The following FAT3 variants were observed in gnomAD, a reference collection of about 807,000 sequenced individuals.
FAT3 encodes the protein protocadherin Fat 3.
FAT3 carries 95 observed loss-of-function variants against 310.2 expected under a neutral mutation model. The observed-to-expected ratio is 0.31, with a 90% confidence interval of 0.26 to 0.36. FAT3 has a LOEUF of 0.36. FAT3 is among the 10% of genes least tolerant of loss of function. The pLI, the probability that FAT3 is intolerant of heterozygous loss-of-function variation, is 1.00. For missense variants in FAT3, 5,408 were observed against 5,715.6 expected (o/e 0.95, Z 1.74); for synonymous variants, 2,314 against 2,192.9 (o/e 1.06, Z -1.54).
At chr11:92,691,645 C>T (rs938111286) in intron 3 of FAT3, among the ~76,000 whole-genome samples, 1 of 152,108 alleles carries the variant, frequency 6.6e-6, no homozygotes, top group Non-Finnish European at 1.5e-5. Flanking sequence ...CCTCTCAAAG[C>T]ATTGGGATTA....
chr11:92,605,427 G>A (rs1940227143), intron 3 of FAT3, among the ~76,000 whole-genome samples: 1 of 152,164 alleles, frequency 6.6e-6, no homozygotes, highest in Admixed American at 6.5e-5. Context: ...CATGAACATA[G>A]AAGAACAGTG....
intron 3 of FAT3, among the ~76,000 whole-genome samples, chr11:92,591,537 G>A (rs928929517): frequency 6.6e-6 from 1 of 152,152 alleles, no homozygotes; most frequent in Non-Finnish European, 1.5e-5. Flanking sequence ...GACACTTAGT[G>A]TGTTAATTAC....
At chr11:92,438,868 G>T (rs1263332457) in intron 2 of FAT3, among the ~76,000 whole-genome samples, 5 of 152,300 alleles carry the variant, frequency 3.3e-5, no homozygotes, top group Non-Finnish European at 7.3e-5. Flanking sequence ...AGTTATTGGG[G>T]ACCTGTAGGC....
At chr11:92,378,787 CCG>C (rs1949417828) in intron 2 of FAT3, among the ~76,000 whole-genome samples, 1 of 152,112 alleles carries the variant, frequency 6.6e-6, no homozygotes, top group Non-Finnish European at 1.5e-5. Flanking sequence ...GTGCAAGGAG[CCG>C]ACAGATTCAG....
intron 3 of FAT3, among the ~76,000 whole-genome samples, chr11:92,643,340 C>T (rs1319723843): frequency 6.6e-6 from 1 of 152,202 alleles, no homozygotes; most frequent in Non-Finnish European, 1.5e-5. Flanking sequence ...CTGCAGTGAG[C>T]TGCCCTGACA....
chr11:92,883,302 G>C lies in FAT3; in HGVS notation c.12846G>C (p.Val4282=), dbSNP rs2136417518. Reference sequence around the variant, plus strand: ...TGACAGCCCGGCGGGGCGTGGTCGTGTGCAGTGTGGCCCCCAACCTCCCCG... The same window carrying C: ...TGACAGCCCGGCGGGGCGTGGTCGTCTGCAGTGTGGCCCCCAACCTCCCCG... ...RILTARRGVV[V]CSVAPNLPAV... Residue 4282 remains valine (V), a synonymous_variant, in exon 24 of 28, where the codon GTG becomes GTC. Coordinates refer to ENST00000525166, the MANE Select transcript of FAT3 (RefSeq NM_001367949.2). This position sits in a 1 kb window ranked among gnomAD's most constrained non-coding sequence, Gnocchi z 4.2. 1 of 1,612,484 alleles carries C rather than the reference G, an allele frequency of 6.2e-7. No homozygotes were observed. The highest frequency in any genetic ancestry group is 8.5e-7 in the Non-Finnish European group (1 of 1,179,814).
At chr11:92,369,260 T>A (rs1949119623) in intron 2 of FAT3, among the ~76,000 whole-genome samples, 1 of 152,214 alleles carries the variant, frequency 6.6e-6, no homozygotes, top group South Asian at 2.1e-4. Flanking sequence ...TCATGTTAAA[T>A]CTGCATCTGC....
chr11:92,697,777 A>G (rs1943984303), intron 4 of FAT3, among the ~76,000 whole-genome samples: 1 of 152,172 alleles, frequency 6.6e-6, no homozygotes, highest in Non-Finnish European at 1.5e-5. Context: ...CCACAGACGT[A>G]AAAAGAGAAA....
chr11:92,405,635 C>T (rs1257229510), intron 2 of FAT3, among the ~76,000 whole-genome samples: 1 of 152,124 alleles, frequency 6.6e-6, no homozygotes, highest in African/African-American at 2.4e-5. Context: ...CTTGTGGTCC[C>T]AGCTACTCAG....
intron 3 of FAT3, among the ~76,000 whole-genome samples, chr11:92,557,079 T>G (rs1955046425): frequency 6.6e-6 from 1 of 152,042 alleles, no homozygotes; most frequent in South Asian, 2.1e-4. Flanking sequence ...TCATCTTTCT[T>G]TCGCTATCTA....
Position 92,890,711 on chromosome 11 carries a change from G to A in FAT3, c.13368G>A (p.Pro4456=), listed in dbSNP as rs12277422. ...AGGACCAGCTGCCTCCTCCTCTCCC[G>A]GAGGACTTCCCAGACCAATATGAGG... is the stretch of plus-strand genomic sequence containing the variant. ...LSQDQLPPPL[P]EDFPDQYEAL... Residue 4456 remains proline (P), a synonymous_variant, in exon 28 of 28, where the codon CCG becomes CCA. Transcript: ENST00000525166. 409,440 of 1,612,634 alleles carry A rather than the reference G, an allele frequency of 0.25. 52,296 individuals are homozygous for A. Among genetic ancestry groups the A allele is most frequent in the Admixed American group, 0.3 (17,664 of 59,792 alleles).
chr11:92,564,993 G>A (rs1373857191), intron 3 of FAT3, among the ~76,000 whole-genome samples: 86 of 145,228 alleles, frequency 5.9e-4, no homozygotes, highest in African/African-American at 7.7e-4. Flanking sequence ...AAGCAAGAGC[G>A]AACACATTCA....
chr11:92,793,899 A>G (rs888368667), intron 9 of FAT3, among the ~76,000 whole-genome samples: 1 of 152,142 alleles, frequency 6.6e-6, no homozygotes, highest in African/African-American at 2.4e-5. Flanking sequence ...ACAGTTTTGG[A>G]CTAGAAATTT....
At chr11:92,694,266 A>C (rs1298911986) in intron 3 of FAT3, among the ~76,000 whole-genome samples, 1 of 152,110 alleles carries the variant, frequency 6.6e-6, no homozygotes, top group Non-Finnish European at 1.5e-5. Flanking sequence ...TTTAAGTTAC[A>C]TTTTATTTCT....
intron 4 of FAT3, among the ~76,000 whole-genome samples, chr11:92,725,250 G>A (rs1187699304): frequency 6.6e-6 from 1 of 152,104 alleles, no homozygotes; most frequent in Non-Finnish European, 1.5e-5. Flanking sequence ...TCTTAAATAT[G>A]GGGGACTGAA....
At chr11:92,550,770 C>CTTTTTT (rs11472875) in intron 3 of FAT3, among the ~76,000 whole-genome samples, 33 of 142,118 alleles carry the variant, frequency 2.3e-4, no homozygotes, top group Non-Finnish European at 3.8e-4. Context: ...CCACATTTAT[C>CTTTTTT]TTTTTTTTTT....
intron 1 of FAT3, among the ~76,000 whole-genome samples, chr11:92,267,003 G>T (rs1290630198): frequency 6.6e-6 from 1 of 152,116 alleles, no homozygotes; most frequent in African/African-American, 2.4e-5. Flanking sequence ...TTTGGACTTT[G>T]CCACTGCTCC....
chr11:92,383,893 A>G (rs189265537), intron 2 of FAT3, among the ~76,000 whole-genome samples: 2 of 152,318 alleles, frequency 1.3e-5, no homozygotes, highest in East Asian at 3.9e-4. Flanking sequence ...GAAAAGAAAA[A>G]TGAGATTTAA....
chr11:92,577,791 A>G (rs947968424), intron 3 of FAT3, among the ~76,000 whole-genome samples: 1 of 152,118 alleles, frequency 6.6e-6, no homozygotes, highest in Non-Finnish European at 1.5e-5. Context: ...CCTATTCCAA[A>G]GGAAAAAAAA....
Sources: allele counts gnomAD v4.1 joint callset (sites outside exome capture counted in the v4.1 genomes callset), GRCh38; gene constraint gnomAD v4.1.1; non-coding constraint Gnocchi (gnomAD v3.1); transcripts MANE v1.5; gene names NCBI Gene and HGNC (gene_info 2026-07-23, HGNC 2026-07-21).